ERN1: variants seen among roughly 807,000 people sequenced by gnomAD.
ERN1 encodes the protein endoplasmic reticulum to nucleus signaling 1.
ERN1 carries 39 observed loss-of-function variants against 113.1 expected under a neutral mutation model. The ratio of observed to expected loss-of-function variants is 0.34; its 90% CI spans 0.27 to 0.45. The LOEUF (loss-of-function observed/expected upper bound fraction) is 0.45. ERN1 is among the 20% of genes least tolerant of loss of function. The probability of loss-of-function intolerance (pLI) is 1.00; values close to 1 mark genes in which losing one functional copy is unlikely to be tolerated. For synonymous variants in ERN1, 507 were observed against 515.9 expected (o/e 0.98, Z 0.23); for missense variants, 976 against 1,274.8 (o/e 0.77, Z 3.57).
At chr17:64,056,414 T>C (rs1912871995) in intron 12 of ERN1, among the ~76,000 whole-genome samples, 1 of 152,066 alleles carries the variant, frequency 6.6e-6, no homozygotes, top group Admixed American at 6.5e-5. Context: ...CACTCAGTAA[T>C]CCAGAGGGGC....
chr17:64,075,272 A>G (rs1368200865), intron 4 of ERN1, 25 bp from the exon 5 acceptor site: 41 of 1,478,380 alleles, frequency 2.8e-5, no homozygotes, highest in Non-Finnish European at 3.7e-5. Context: ...AAAAAGAAAA[A>G]AAAAAGTTAA....
At chr17:64,073,004 A>ATTT (rs34253228) in intron 5 of ERN1, among the ~76,000 whole-genome samples, 1 of 128,994 alleles carries the variant, frequency 7.8e-6, no homozygotes, top group Non-Finnish European at 1.7e-5. Context: ...AGCCTTTGAA[A>ATTT]TTTTTTTTTT....
At chr17:64,129,795 T>C (rs2143523335) in intron 1 of ERN1, 181 bp downstream of exon 1, 1 of 477,098 alleles carries the variant, frequency 2.1e-6, no homozygotes, top group Non-Finnish European at 3.3e-6. Context: ...TCAGGGAAGC[T>C]CTCCCGGCCC....
chr17:64,105,605 A>G (rs577449713), intron 1 of ERN1, among the ~76,000 whole-genome samples: 1 of 152,216 alleles, frequency 6.6e-6, no homozygotes, highest in African/African-American at 2.4e-5. Flanking sequence ...TGTTTTGCTA[A>G]TAGTCCTCTG....
intron 1 of ERN1, among the ~76,000 whole-genome samples, chr17:64,106,315 T>C (rs1914525748): frequency 6.6e-6 from 1 of 152,232 alleles, no homozygotes; most frequent in Non-Finnish European, 1.5e-5. Flanking sequence ...AGTTAGGACA[T>C]ATGAAATCTT....
intron 2 of ERN1, among the ~76,000 whole-genome samples, chr17:64,088,073 T>C (rs916740343): frequency 4.6e-5 from 7 of 152,196 alleles, no homozygotes; most frequent in Non-Finnish European, 5.9e-5. Flanking sequence ...CTTCCTTCCA[T>C]GTAGGAAGAA....
In ERN1 at chr17:64,044,159, C is replaced by A. The variant is rs373600416; in HGVS notation, c.2763G>T (p.Thr921=). 6.8e-5 allele frequency: 108 copies of A among 1,593,464 alleles called. No individual in the cohort carries two copies. The highest frequency in any genetic ancestry group is 8.7e-5 in the Non-Finnish European group (101 of 1,167,300). The change falls in exon 22 of 22, where the codon ACG becomes ACT. Residue 921 remains threonine (T), a synonymous_variant. Coordinates refer to ENST00000433197, the MANE Select transcript of ERN1 (RefSeq NM_001433.5). This position sits in a 1 kb window ranked among gnomAD's most constrained non-coding sequence, Gnocchi z 4.1. The part of the protein sequence containing the change: ...YRELPAEVRE[T]LGSLPDDFVC... ...CGAAGTCGTCGGGGAGGGACCCCAGCGTCTCCCGCACCTCTGCAGGCAGCT... is the reference window on the plus strand; with the variant it reads ...CGAAGTCGTCGGGGAGGGACCCCAGAGTCTCCCGCACCTCTGCAGGCAGCT...
At chr17:64,062,766 A>G (rs1309308990) in intron 10 of ERN1, among the ~76,000 whole-genome samples, 3 of 152,110 alleles carry the variant, frequency 2.0e-5, no homozygotes, top group Admixed American at 6.5e-5. Context: ...TTTTCTCACC[A>G]TGGGCCTATT....
In ERN1 at chr17:64,055,934, C is replaced by T. The variant is rs1912854095; in HGVS notation, c.1413G>A (p.Gln471=). The T allele has an allele frequency of 6.5e-7, 1 of 1,545,936 alleles. No homozygotes were observed. The highest frequency in any genetic ancestry group is 8.7e-7 in the Non-Finnish European group (1 of 1,144,662). ...IITYPLSMHQ[Q]QQLQHQQFQK... Reference sequence around the variant, plus strand: ...GGAACTGCTGGTGCTGGAGCTGCTGCTGCTGATGCATGCTCTGGGAAGAGA... The same window carrying T: ...GGAACTGCTGGTGCTGGAGCTGCTGTTGCTGATGCATGCTCTGGGAAGAGA... The change falls in exon 13 of 22, where the codon CAG becomes CAA. Residue 471 remains glutamine (Q), a synonymous_variant. Coordinates refer to ENST00000433197, the MANE Select transcript of ERN1 (RefSeq NM_001433.5).
chr17:64,075,262 A>AAG lies in ERN1; in HGVS notation c.283-16_283-15insCT, dbSNP rs1459559410. The AAG allele has an allele frequency of 7.4e-6, 11 of 1,493,578 alleles. No individual in the cohort carries two copies. The highest frequency in any genetic ancestry group is 2.7e-5 in the South Asian group (2 of 74,804). The allele number at this position is 1,493,578 out of a possible 1,614,324, so 92.5% of individuals were successfully genotyped here. ...AAAGGAAGTTTCTTTAAAAAAAAAA[A>AAG]AAAAGAAAAAAAAAAGTTAACCAAG... On this transcript the variant is annotated splice_polypyrimidine_tract_variant and intron_variant, in intron 4 of 21. Coordinates refer to ENST00000433197, the MANE Select transcript of ERN1 (RefSeq NM_001433.5).
chr17:64,119,376 GTTTTTTTTTTTT>G (rs3044073), intron 1 of ERN1, among the ~76,000 whole-genome samples: 24 of 77,910 alleles, frequency 3.1e-4, no homozygotes, highest in Admixed American at 2.2e-3. Flanking sequence ...TTTTTTCTAG[GTTTTTTTTTTTT>G]TTTTTTTTTT....
In ERN1 at chr17:64,054,692, C is replaced by T. The variant is rs760134097; in HGVS notation, c.1763+46G>A. ...CACCAGGCTCGCAACCTGACAGGCACTTAGACACCAGGCGGTGAGGGCAGG... is the reference window on the plus strand; with the variant it reads ...CACCAGGCTCGCAACCTGACAGGCATTTAGACACCAGGCGGTGAGGGCAGG... On this transcript the variant is annotated intron_variant, in intron 14 of 21. Transcript: ENST00000433197. This position sits in a 1 kb window ranked among gnomAD's most constrained non-coding sequence, Gnocchi z 4.9. 8 of 1,475,000 alleles carry T rather than the reference C, an allele frequency of 5.4e-6. No homozygotes were observed. In the Admixed American group the frequency reaches 1.6e-4, roughly 29 times the overall value. 91.4% of individuals were successfully genotyped at this position (1,475,000 alleles called of 1,614,324 possible).
At chr17:64,115,293 C>T (rs530758752) in intron 1 of ERN1, among the ~76,000 whole-genome samples, 4 of 152,304 alleles carry the variant, frequency 2.6e-5, no homozygotes, top group African/African-American at 7.2e-5. Context: ...TCTTCTATTT[C>T]AACTCCTGTG....
chr17:64,097,251 G>A (rs1914255878), intron 2 of ERN1, among the ~76,000 whole-genome samples: 1 of 152,182 alleles, frequency 6.6e-6, no homozygotes, highest in Non-Finnish European at 1.5e-5. Context: ...GAGGTTTGCT[G>A]CTGAATTCAC....
intron 1 of ERN1, among the ~76,000 whole-genome samples, chr17:64,117,630 A>G (rs1914844601): frequency 6.6e-6 from 1 of 152,130 alleles, no homozygotes; most frequent in Admixed American, 6.5e-5. Flanking sequence ...CATTACCCCA[A>G]CACTAAGTGA....
At chr17:64,093,332 CTT>C (rs1028971565) in intron 2 of ERN1, among the ~76,000 whole-genome samples, 3 of 152,172 alleles carry the variant, frequency 2.0e-5, no homozygotes, top group East Asian at 1.9e-4. Context: ...TGTATCCTCT[CTT>C]GTCTGGACTA....
intron 5 of ERN1, among the ~76,000 whole-genome samples, chr17:64,073,335 A>ATTTT (rs201213734): frequency 7.4e-6 from 1 of 135,080 alleles, no homozygotes; most frequent in African/African-American, 2.9e-5. Flanking sequence ...CACCCAGCAA[A>ATTTT]TTTTTTTTTT....
intron 9 of ERN1, 65 bp downstream of exon 9, chr17:64,065,144 G>T: frequency 8.5e-7 from 1 of 1,183,320 alleles, no homozygotes; most frequent in Non-Finnish European, 1.2e-6. Flanking sequence ...GCATAGCAAA[G>T]TCATTCTTTG....
At chr17:64,106,483 C>A (rs1914530085) in intron 1 of ERN1, among the ~76,000 whole-genome samples, 1 of 151,908 alleles carries the variant, frequency 6.6e-6, no homozygotes, top group Admixed American at 6.6e-5. Context: ...TGCCAAAGCA[C>A]CTATCAAAAA....
Sources: allele counts gnomAD v4.1 joint callset (sites outside exome capture counted in the v4.1 genomes callset), GRCh38; gene constraint gnomAD v4.1.1; non-coding constraint Gnocchi (gnomAD v3.1); transcripts MANE v1.5; gene names NCBI Gene and HGNC (gene_info 2026-07-23, HGNC 2026-07-21).